UTRN: variants seen among roughly 807,000 people sequenced by gnomAD.
The protein encoded by UTRN is dystrophin-related protein 1.
UTRN carries 283 observed loss-of-function variants against 463.9 expected under a neutral mutation model. The observed-to-expected ratio is 0.61, with a 90% confidence interval of 0.55 to 0.67. The LOEUF (loss-of-function observed/expected upper bound fraction) is 0.67, where lower values mean the gene tolerates loss of function less well. Ranked by LOEUF, UTRN falls within the 30% of genes least tolerant of loss-of-function variation. The pLI is 0.00. For synonymous variants in UTRN, 1,442 were observed against 1,431.5 expected (o/e 1.01, Z -0.17); for missense variants, 3,922 against 4,084.3 (o/e 0.96, Z 1.08).
chr6:144,731,183 GACA>G lies in UTRN; in HGVS notation c.7939+701_7939+703del, dbSNP rs202166699. 8.4e-4 allele frequency among the ~76,000 whole-genome samples: 128 copies of G among 151,898 alleles called. No homozygotes were observed. The East Asian group carries it at 8.9e-3, about 11-fold the overall frequency. On this transcript the variant is annotated intron_variant, in intron 54 of 74. Coordinates refer to ENST00000367545, the MANE Select transcript of UTRN (RefSeq NM_007124.3). Reference sequence around the variant, plus strand: ...ACCAAATACTTTTCTTTTACAAGCAGACAACATTTGTTTAATTTAAAAATAACC... The same window carrying G: ...ACCAAATACTTTTCTTTTACAAGCAGACATTTGTTTAATTTAAAAATAACC...
chr6:144,566,273 G>A (rs945001683), intron 50 of UTRN, among the ~76,000 whole-genome samples: 1 of 152,174 alleles, frequency 6.6e-6, no homozygotes, highest in African/African-American at 2.4e-5. Context: ...AGAGGATTGG[G>A]TGTAAGTTCA....
chr6:144,755,641 T>C (rs922700776), intron 57 of UTRN, among the ~76,000 whole-genome samples: 3 of 152,210 alleles, frequency 2.0e-5, no homozygotes, highest in Non-Finnish European at 4.4e-5. Context: ...TCAATAAATA[T>C]TAATTCCTTT....
chr6:144,290,328 CCTT>C (rs1482703309), intron 1 of UTRN, among the ~76,000 whole-genome samples: 4 of 152,180 alleles, frequency 2.6e-5, no homozygotes, highest in Admixed American at 6.5e-5. Context: ...TATTTAGTCT[CCTT>C]TAATTCACAA....
intron 59 of UTRN, among the ~76,000 whole-genome samples, chr6:144,773,176 G>A (rs1229785252): frequency 1.3e-5 from 2 of 152,098 alleles, no homozygotes; most frequent in South Asian, 2.1e-4. Context: ...AAAGAGTTGA[G>A]TATTGGTTGT....
chr6:144,478,354 T>C (rs1031835916), intron 25 of UTRN, among the ~76,000 whole-genome samples: 1 of 152,234 alleles, frequency 6.6e-6, no homozygotes, highest in Non-Finnish European at 1.5e-5. Flanking sequence ...ATTATATTGC[T>C]GACTAGTGTT....
intron 51 of UTRN, among the ~76,000 whole-genome samples, chr6:144,596,311 C>T (rs906862652): frequency 3.3e-5 from 5 of 152,044 alleles, no homozygotes; most frequent in African/African-American, 9.7e-5. Flanking sequence ...ATGGTTTTTC[C>T]GAGTTTCATA....
Position 144,827,338 on chromosome 6 carries a change from C to G in UTRN, c.9495-10C>G. The G allele has an allele frequency of 6.2e-7, 1 of 1,613,334 alleles. No homozygotes were observed. The highest frequency in any genetic ancestry group is 1.1e-5 in the South Asian group (1 of 91,052). On this transcript the variant is annotated splice_polypyrimidine_tract_variant and intron_variant, in intron 66 of 74. Transcript: ENST00000367545. ...TCTGTGACTTTTGTCTCCCTCTCCC[C>G]TCTTTGCAGTCCTATCACACTCATC...
chr6:144,563,253 G>C (rs928347415), intron 50 of UTRN, among the ~76,000 whole-genome samples: 10 of 151,994 alleles, frequency 6.6e-5, no homozygotes, highest in African/African-American at 2.4e-4. Context: ...ATTTAATTTT[G>C]ATTGACTTTC....
rs191635643 is a variant in UTRN, at chr6:144,403,677, C to G, written c.141+493C>G. Among the ~76,000 whole-genome samples the G allele has an allele frequency of 2.9e-3, 442 of 152,274 alleles. 2 individuals are homozygous for G. Among genetic ancestry groups the G allele is most frequent in the African/African-American group, 0.01 (421 of 41,542 alleles). ...CTTGTGTACTTCCTTAATTCCTCCC[C>G]CACCCCAAAGATCTACTCTTAGCAT... On this transcript the variant is annotated intron_variant, in intron 3 of 74. Coordinates refer to ENST00000367545, the MANE Select transcript of UTRN (RefSeq NM_007124.3).
In UTRN at chr6:144,684,314, T is replaced by C. The variant is rs145014671; in HGVS notation, c.7652+5736T>C. On this transcript the variant is annotated intron_variant, in intron 52 of 74. Transcript: ENST00000367545. ...ACCCACTCGCCTTGGCCTCCCAAAC[T>C]GCTGGGATTACAGACGTGAGCCACC... Among the ~76,000 whole-genome samples, 7 of 152,310 alleles carry C rather than the reference T, an allele frequency of 4.6e-5. No homozygotes were observed. The East Asian group carries it at 1.2e-3, about 25-fold the overall frequency.
chr6:144,597,283 A>T (rs1803760194), intron 51 of UTRN, among the ~76,000 whole-genome samples: 1 of 151,754 alleles, frequency 6.6e-6, no homozygotes, highest in African/African-American at 2.4e-5. Flanking sequence ...ATAAACATTT[A>T]TTGAGTCTGC....
rs368136392 is a variant in UTRN, at chr6:144,461,325, G to T, written c.2836G>T (p.Ala946Ser). 3.8e-6 allele frequency: 6 copies of T among 1,568,434 alleles called. No homozygotes were observed. The highest frequency in any genetic ancestry group is 2.3e-5 in the East Asian group (1 of 44,298). ...VLNDLAKVEK[A>S]LQEKKTLDEI... ...TAATGATCTTGCCAAGGTGGAGAAG[G>T]CCCTGCAAGAAAAAAAGGTAACATA... Residue 946 changes from alanine (A) to serine (S), a missense_variant, in exon 22 of 75, where the codon GCC becomes TCC. This residue lies in a region of UTRN where 2,349 missense variants were observed against 2,303.8 expected (regional missense o/e 1.02). Coordinates refer to ENST00000367545, the MANE Select transcript of UTRN (RefSeq NM_007124.3).
At chr6:144,468,025 A>AT (rs111760920) in intron 23 of UTRN, among the ~76,000 whole-genome samples, 1,455 of 143,180 alleles carry the variant, frequency 0.01, 13 homozygotes, top group African/African-American at 0.031. Flanking sequence ...GCTTCACACT[A>AT]TTTTTTTTTT....
intron 51 of UTRN, among the ~76,000 whole-genome samples, chr6:144,582,634 G>A (rs772993822): frequency 1.4e-4 from 22 of 152,272 alleles, no homozygotes; most frequent in Admixed American, 3.3e-4. Context: ...ATGTTCAGTA[G>A]TCAATTACAG....
At chr6:144,383,179 G>T (rs12110413) in intron 2 of UTRN, among the ~76,000 whole-genome samples, 3 of 152,016 alleles carry the variant, frequency 2.0e-5, no homozygotes, top group Non-Finnish European at 4.4e-5. Context: ...TGATCCACTC[G>T]CCTTAGCCTC....
chr6:144,703,643 A>T (rs1371788895), intron 53 of UTRN, among the ~76,000 whole-genome samples: 1 of 152,176 alleles, frequency 6.6e-6, no homozygotes, highest in Non-Finnish European at 1.5e-5. Context: ...GGAGGGCGTG[A>T]TCACAAGGAT....
At position 144,819,911 on chromosome 6, in the gene UTRN, C is replaced by CCTGT. The variant is rs1554406068; in HGVS notation, c.9358-969_9358-968insGTCT. On this transcript the variant is annotated intron_variant, in intron 65 of 74. Coordinates refer to ENST00000367545, the MANE Select transcript of UTRN (RefSeq NM_007124.3). ...TCCTCCTCCTCCTCCTCCTCCTCCT[C>CCTGT]CTCTCTCTCTCTCTCTCTCTCTTTC... Among the ~76,000 whole-genome samples the CCTGT allele has an allele frequency of 3.2e-3, 385 of 118,632 alleles. 5 individuals carry two copies. The highest frequency in any genetic ancestry group is 0.016 in the South Asian group (59 of 3,602). The allele number at this position is 118,632 out of a possible 152,430, so 77.8% of individuals were successfully genotyped here.
At chr6:144,659,718 T>A (rs1385723239) in intron 51 of UTRN, 4 of 151,120 alleles carry the variant, frequency 2.6e-5, no homozygotes, top group African/African-American at 9.7e-5. Flanking sequence ...TACCCAGGAT[T>A]TTTTTTTTTT....
chr6:144,526,130 T>C (rs1796551070), intron 41 of UTRN, among the ~76,000 whole-genome samples: 1 of 152,228 alleles, frequency 6.6e-6, no homozygotes, highest in Non-Finnish European at 1.5e-5. Flanking sequence ...GAATATTCCA[T>C]GTGTTCATGA....
Sources: gnomAD v4.1 joint callset for allele counts (sites outside exome capture counted in the v4.1 genomes callset) on GRCh38, gnomAD v4.1.1 for gene constraint, gnomAD v4.1.1 regional missense constraint, MANE v1.5 for transcripts, NCBI Gene and HGNC (gene_info 2026-07-23, HGNC 2026-07-21) for gene names.